Variants in PARVB observed in about 807,000 individuals in gnomAD.
PARVB encodes the protein beta-parvin.
PARVB carries 46 observed loss-of-function variants against 47.0 expected under a neutral mutation model. That is an observed-to-expected ratio of 0.98 (90% confidence interval 0.77 to 1.25). PARVB has a LOEUF of 1.25. PARVB is among the 50% of genes most tolerant of loss of function. The pLI is 0.00. For missense variants in PARVB, 473 were observed against 471.6 expected, an observed-to-expected ratio of 1.00 and a Z score of -0.03; for synonymous variants, 196 against 196.3, an observed-to-expected ratio of 1.00 and a Z score of 0.01.
At chr22:44,161,423 T>C (rs535342692) in intron 11 of PARVB, among the ~76,000 whole-genome samples, 2 of 151,812 alleles carry the variant, frequency 1.3e-5, no homozygotes, top group East Asian at 3.9e-4. Context: ...AAGCGATTCT[T>C]CTGCCTCAGC....
At position 44,087,466 on chromosome 22, in the gene PARVB, C is replaced by G. The variant is rs538526355; in HGVS notation, c.113-6462C>G. Among the ~76,000 whole-genome samples the G allele has an allele frequency of 3.9e-5, 6 of 152,340 alleles. No individual in the cohort carries two copies. The South Asian group carries it at 1.2e-3, about 32-fold the overall frequency. ...AGTGAGGCTCTTGGGCCCGTGATTGCAGGGGCGCCTTGCCATCCCCCGTGT... is the reference window on the plus strand; with the variant it reads ...AGTGAGGCTCTTGGGCCCGTGATTGGAGGGGCGCCTTGCCATCCCCCGTGT... On this transcript the variant is annotated intron_variant, in intron 1 of 12. Transcript: ENST00000338758.
Position 44,158,018 on chromosome 22 carries a change from C to G in PARVB, c.880C>G (p.Leu294Val), listed in dbSNP as rs767600905. ...CGTGTACCTGGTTCTGCTCATGGGC[C>G]TTCTGGAAGACTACTTTGTTCCTCT... The part of the protein sequence containing the change: ...DGVYLVLLMG[L>V]LEDYFVPLHH... Residue 294 changes from leucine to valine, a missense_variant, in exon 11 of 13, where the codon CTT becomes GTT. By Grantham distance (32) the Leu-to-Val change is conservative (BLOSUM62 1). Transcript: ENST00000338758. 3.7e-6 allele frequency: 6 copies of G among 1,614,084 alleles called. No individual in the cohort carries two copies. In the East Asian group the frequency reaches 1.3e-4, roughly 36 times the overall value.
At chr22:44,117,082 TG>T (rs1329298323) in intron 3 of PARVB, among the ~76,000 whole-genome samples, 2 of 152,000 alleles carry the variant, frequency 1.3e-5, no homozygotes, top group East Asian at 3.9e-4. Context: ...GGAGCACGCC[TG>T]GGGTGTGGTG....
chr22:44,050,483 A>G (rs1047147952), intron 1 of PARVB, among the ~76,000 whole-genome samples: 1 of 151,938 alleles, frequency 6.6e-6, no homozygotes, highest in African/African-American at 2.4e-5. Context: ...AGCTGGGATT[A>G]CAGGTGCCTG....
chr22:44,023,597 T>C (rs143293769), upstream of PARVB, among the ~76,000 whole-genome samples: 2,570 of 136,452 alleles, frequency 0.019, 91 homozygotes, highest in African/African-American at 0.064. Flanking sequence ...TAAAATAAAA[T>C]AAAATAAAAA....
intron 1 of PARVB, among the ~76,000 whole-genome samples, chr22:44,027,914 CATATATAT>C (rs3083338): frequency 6.8e-5 from 9 of 133,252 alleles, no homozygotes; most frequent in Admixed American, 1.5e-4. Flanking sequence ...AAAAAAAAAC[CATATATAT>C]ATATATATAT....
intron 12 of PARVB, among the ~76,000 whole-genome samples, chr22:44,164,414 C>CT (rs572889800): frequency 0.044 from 6,427 of 146,428 alleles, 240 homozygotes; most frequent in Non-Finnish European, 0.058. Context: ...CCCTGTCCCC[C>CT]CCCCGGCTCC....
chr22:44,155,142 G>A lies in PARVB; in HGVS notation c.844-2840G>A, dbSNP rs148482627. ...AAACCATTCTTACATTGCGGACAGC[G>A]TCCCAGCTCTGTGATGGTGAGTGAA... On this transcript the variant is annotated intron_variant, in intron 10 of 12. Coordinates refer to ENST00000338758, the MANE Select transcript of PARVB (RefSeq NM_013327.5). The surrounding 1 kb of genome is among the most constrained non-coding windows in gnomAD (Gnocchi z 4.8). Among the ~76,000 whole-genome samples, 134 of 152,194 alleles carry A rather than the reference G, an allele frequency of 8.8e-4. No individual in the cohort carries two copies. The highest frequency in any genetic ancestry group is 3.4e-3 in the Middle Eastern group (1 of 294).
At chr22:44,075,581 C>G (rs180897339) in intron 1 of PARVB, among the ~76,000 whole-genome samples, 2 of 152,138 alleles carry the variant, frequency 1.3e-5, no homozygotes, top group Admixed American at 1.3e-4. Flanking sequence ...CCTGAGATCC[C>G]CGTGCCCCAC....
intron 1 of PARVB, chr22:44,086,758 TG>T: frequency 1.0e-6 from 1 of 985,474 alleles, no homozygotes; most frequent in Non-Finnish European, 1.2e-6. Flanking sequence ...AAGACCTTCG[TG>T]CCTGATGAAG....
At chr22:44,151,933 A>G (rs1267804825) in intron 10 of PARVB, 1 of 213,244 alleles carries the variant, frequency 4.7e-6, no homozygotes, top group African/African-American at 2.3e-5. Flanking sequence ...GCTTGTACAC[A>G]CATCACTCCC....
chr22:44,018,645 G>A (rs968014496), intron 2 of PARVB, among the ~76,000 whole-genome samples: 3 of 152,184 alleles, frequency 2.0e-5, no homozygotes, highest in Middle Eastern at 3.4e-3. Flanking sequence ...CCCTTTTGTC[G>A]AATTGGTCTC....
intron 4 of PARVB, among the ~76,000 whole-genome samples, chr22:44,129,210 C>G (rs1456581760): frequency 6.6e-6 from 1 of 152,134 alleles, no homozygotes; most frequent in Non-Finnish European, 1.5e-5. Flanking sequence ...AGAGGGAGAC[C>G]AAGTAAGGAC....
chr22:44,004,779 C>T lies in PARVB; in HGVS notation c.211+5106C>T, dbSNP rs892549115. ...TTAATAAACTCTCCTGAACCTTTTC[C>T]GTCTCTCCAGTCTTTGATTGTCCTG... On this transcript the variant is annotated intron_variant, in intron 2 of 13. Transcript: ENST00000406477. Among the ~76,000 whole-genome samples, 8 of 152,162 alleles carry T rather than the reference C, an allele frequency of 5.3e-5. No homozygotes were observed. The South Asian group carries it at 6.2e-4, about 12-fold the overall frequency.
Position 44,159,878 on chromosome 22 carries a change from C to T in PARVB, c.945+1795C>T, listed in dbSNP as rs4823196. Among the ~76,000 whole-genome samples, 1,005 of 152,248 alleles carry T rather than the reference C, an allele frequency of 6.6e-3. 32 individuals carry two copies. Among genetic ancestry groups the T allele is most frequent in the Admixed American group, 0.058 (889 of 15,296 alleles). ...TCCTGTGGGCTGAGACCCCGAGGTG[C>T]GTTTGCTCTGGCCCTGGGAATCCTG... On this transcript the variant is annotated intron_variant, in intron 11 of 12. Coordinates refer to ENST00000338758, the MANE Select transcript of PARVB (RefSeq NM_013327.5).
chr22:44,139,171 C>T (rs1035733081), intron 7 of PARVB: 1 of 152,248 alleles, frequency 6.6e-6, no homozygotes, highest in African/African-American at 2.4e-5. Flanking sequence ...CTCCTGGAAA[C>T]ATGAGTAACC....
At chr22:44,126,538 A>G (rs887122329) in intron 4 of PARVB, among the ~76,000 whole-genome samples, 2 of 151,790 alleles carry the variant, frequency 1.3e-5, no homozygotes, top group African/African-American at 4.8e-5. Context: ...CTGAAGGGAT[A>G]CTCCTCATGT....
At chr22:44,085,202 C>T (rs369239402) in intron 1 of PARVB, among the ~76,000 whole-genome samples, 2 of 152,188 alleles carry the variant, frequency 1.3e-5, no homozygotes, top group African/African-American at 2.4e-5. Flanking sequence ...CCCCTGGGCT[C>T]GAGTGATCCT....
chr22:44,093,173 G>C (rs2052213908), intron 1 of PARVB, among the ~76,000 whole-genome samples: 1 of 152,338 alleles, frequency 6.6e-6, no homozygotes, highest in African/African-American at 2.4e-5. Flanking sequence ...TTGGCACCTG[G>C]TGTCTGTGTG....
Sources: allele counts gnomAD v4.1 joint callset (sites outside exome capture counted in the v4.1 genomes callset), GRCh38; gene constraint gnomAD v4.1.1; non-coding constraint Gnocchi (gnomAD v3.1); transcripts MANE v1.5; gene names NCBI Gene and HGNC (gene_info 2026-07-23, HGNC 2026-07-21).